LUZP2: variants seen among roughly 807,000 people sequenced by gnomAD.
LUZP2 encodes leucine zipper protein 2.
LUZP2 carries 52 observed loss-of-function variants against 51.6 expected under a neutral mutation model. The observed-to-expected ratio is 1.01, with a 90% CI of 0.81 to 1.27. LUZP2 has a LOEUF of 1.27. LUZP2 is among the 50% of genes most tolerant of loss of function. LUZP2 has a pLI of 0.00. For missense variants in LUZP2, 436 were observed against 395.4 expected, an observed-to-expected ratio of 1.10 and a Z score of -0.87; for synonymous variants, 154 against 137.3, an observed-to-expected ratio of 1.12 and a Z score of -0.85.
Position 24,965,132 on chromosome 11 carries a change from T to G in LUZP2, c.523-11459T>G, listed in dbSNP as rs115762527. Among the ~76,000 whole-genome samples, 573 of 151,206 alleles carry G rather than the reference T, an allele frequency of 3.8e-3. 3 individuals carry two copies. Among genetic ancestry groups the G allele is most frequent in the African/African-American group, 0.013 (550 of 41,280 alleles). Reference sequence around the variant, plus strand: ...AGGAAGACGTCTAAACCAAATAATTTTCAAAGAGCAATCATCTAATTTCTA... The same window carrying G: ...AGGAAGACGTCTAAACCAAATAATTGTCAAAGAGCAATCATCTAATTTCTA... On this transcript the variant is annotated intron_variant, in intron 7 of 11. Transcript: ENST00000336930.
At chr11:24,816,233 C>A (rs186914748) in intron 5 of LUZP2, among the ~76,000 whole-genome samples, 1 of 151,920 alleles carries the variant, frequency 6.6e-6, no homozygotes, top group Non-Finnish European at 1.5e-5. Context: ...CTCTGTGAGG[C>A]TTTTTTTCCT....
At chr11:25,032,110 T>C (rs1857707994) in intron 9 of LUZP2, among the ~76,000 whole-genome samples, 1 of 152,118 alleles carries the variant, frequency 6.6e-6, no homozygotes, top group Non-Finnish European at 1.5e-5. Context: ...CCAAAGGATG[T>C]GACTAGGCTC....
At chr11:24,765,484 CA>C (rs1317872029) in intron 5 of LUZP2, among the ~76,000 whole-genome samples, 99 of 152,170 alleles carry the variant, frequency 6.5e-4, no homozygotes, top group Non-Finnish European at 1.9e-4. Context: ...TGGATTTTAT[CA>C]AATGCTTTTT....
intron 5 of LUZP2, among the ~76,000 whole-genome samples, chr11:24,843,017 G>C (rs1168965323): frequency 3.3e-5 from 5 of 151,562 alleles, no homozygotes; most frequent in Non-Finnish European, 7.4e-5. Flanking sequence ...AAAGAAAAAC[G>C]ACTAAAATAA....
intron 5 of LUZP2, among the ~76,000 whole-genome samples, chr11:24,829,454 A>C (rs559214701): frequency 6.6e-6 from 1 of 152,314 alleles, no homozygotes; most frequent in East Asian, 1.9e-4. Context: ...AGTATTTTGA[A>C]ATTGCTCAAC....
At chr11:24,528,881 T>C (rs1850903124) in intron 1 of LUZP2, among the ~76,000 whole-genome samples, 1 of 151,244 alleles carries the variant, frequency 6.6e-6, no homozygotes, top group Non-Finnish European at 1.5e-5. Context: ...ATAGAAGTGT[T>C]ATCTCATATT....
intron 1 of LUZP2, among the ~76,000 whole-genome samples, chr11:24,668,860 C>A (rs897281459): frequency 1.3e-5 from 2 of 152,106 alleles, no homozygotes; most frequent in African/African-American, 4.8e-5. Flanking sequence ...CAAGTAAAAT[C>A]TGAGTAAGTA....
chr11:24,560,103 C>A lies in LUZP2; in HGVS notation c.62+62798C>A, dbSNP rs532929143. 2.6e-5 allele frequency among the ~76,000 whole-genome samples: 4 copies of A among 152,196 alleles called. No homozygotes were observed. In the East Asian group the frequency reaches 5.8e-4, roughly 22 times the overall value. On this transcript the variant is annotated intron_variant, in intron 1 of 11. Transcript: ENST00000336930. ...CAAACCTGCACGTTCTGCACATGCA[C>A]CCCAGTGTGATGAGTGGTATGATTA...
At chr11:24,644,407 T>A (rs1389812734) in intron 1 of LUZP2, among the ~76,000 whole-genome samples, 3 of 152,078 alleles carry the variant, frequency 2.0e-5, no homozygotes, top group African/African-American at 7.2e-5. Flanking sequence ...CTGCACAATG[T>A]AGAGGACATC....
chr11:24,567,409 A>G (rs1036967780), intron 1 of LUZP2, among the ~76,000 whole-genome samples: 1 of 152,126 alleles, frequency 6.6e-6, no homozygotes, highest in Non-Finnish European at 1.5e-5. Context: ...ATAAATGAAC[A>G]GATTTTTTAA....
In LUZP2 at chr11:24,534,289, A is replaced by G. The variant is rs574540698; in HGVS notation, c.62+36984A>G. On this transcript the variant is annotated intron_variant, in intron 1 of 11. Transcript: ENST00000336930. ...CATATAAAGAGATATATGCATATAT[A>G]TACATACATAGAGAGCACATAAATA... Among the ~76,000 whole-genome samples the G allele has an allele frequency of 5.3e-5, 8 of 151,478 alleles. No individual in the cohort carries two copies. In the South Asian group the frequency reaches 1.5e-3, roughly 27 times the overall value.
chr11:24,574,783 T>C (rs192333311), intron 1 of LUZP2, among the ~76,000 whole-genome samples: 8 of 152,218 alleles, frequency 5.3e-5, no homozygotes, highest in Admixed American at 4.6e-4. Context: ...ATCACTGCAT[T>C]TCAAAACGAT....
chr11:24,498,784 A>T (rs1387783753), intron 1 of LUZP2, among the ~76,000 whole-genome samples: 1 of 152,202 alleles, frequency 6.6e-6, no homozygotes, highest in African/African-American at 2.4e-5. Context: ...TCTTCTAGAG[A>T]AAGGAAATTT....
intron 1 of LUZP2, among the ~76,000 whole-genome samples, chr11:24,666,028 G>A (rs1856201474): frequency 6.6e-6 from 1 of 152,042 alleles, no homozygotes; most frequent in Non-Finnish European, 1.5e-5. Flanking sequence ...CAGGTAGTCT[G>A]ATCATTTATC....
chr11:24,976,522 A>T, intron 7 of LUZP2, 69 bp from the exon 8 acceptor site: 1 of 971,096 alleles, frequency 1.0e-6, no homozygotes, highest in Admixed American at 2.8e-5. Flanking sequence ...TTGGCAATAT[A>T]TGACAGATGC....
intron 7 of LUZP2, among the ~76,000 whole-genome samples, chr11:24,951,003 G>A (rs1002257952): frequency 6.6e-6 from 1 of 151,302 alleles, no homozygotes; most frequent in Non-Finnish European, 1.5e-5. Flanking sequence ...AACATTTTAT[G>A]TTCATTTTTG....
At chr11:24,576,564 A>G (rs894045041) in intron 1 of LUZP2, among the ~76,000 whole-genome samples, 5 of 131,256 alleles carry the variant, frequency 3.8e-5, no homozygotes, top group African/African-American at 1.5e-4. Context: ...TAATCAACAA[A>G]TTTGAGATTT....
At chr11:24,642,180 G>A (rs546454580) in intron 1 of LUZP2, among the ~76,000 whole-genome samples, 4 of 151,784 alleles carry the variant, frequency 2.6e-5, no homozygotes, top group East Asian at 1.9e-4. Context: ...GAGCCACCTC[G>A]CCCGGCCAGA....
At chr11:24,849,944 T>C (rs1851336220) in intron 5 of LUZP2, among the ~76,000 whole-genome samples, 3 of 152,138 alleles carry the variant, frequency 2.0e-5, no homozygotes, top group African/African-American at 7.2e-5. Context: ...AGTGTCTGTT[T>C]ATATCCTTCA....
Sources: allele counts gnomAD v4.1 joint callset (sites outside exome capture counted in the v4.1 genomes callset), GRCh38; gene constraint gnomAD v4.1.1; transcripts MANE v1.5; gene names NCBI Gene and HGNC (gene_info 2026-07-23, HGNC 2026-07-21).